The following UNC13B variants were observed in gnomAD, a reference collection of about 807,000 sequenced individuals.
UNC13B encodes protein unc-13 homolog B.
Under a neutral mutation model 211.0 loss-of-function variants are expected in UNC13B, and 144 were observed. The observed-to-expected ratio is 0.68, with a 90% CI of 0.60 to 0.78. UNC13B has a LOEUF of 0.78. Among genes scored for constraint, UNC13B ranks in the 30% least tolerant of loss-of-function variants. The pLI is 0.00. For synonymous variants in UNC13B, 709 were observed against 725.8 expected (o/e 0.98, Z 0.37); for missense variants, 1,777 against 2,002.0 (o/e 0.89, Z 2.14).
chr9:35,205,527 A>G (rs1248140461), intron 1 of UNC13B, among the ~76,000 whole-genome samples: 1 of 152,222 alleles, frequency 6.6e-6, no homozygotes, highest in Non-Finnish European at 1.5e-5. Flanking sequence ...GCCATTAGCA[A>G]TCATTTCCAT....
intron 14 of UNC13B, 98 bp downstream of exon 14, chr9:35,375,299 G>C (rs1235120840): frequency 5.3e-6 from 7 of 1,316,966 alleles, no homozygotes; most frequent in Non-Finnish European, 5.5e-6. Flanking sequence ...GGGAATTCAA[G>C]AGTGCTGGAC....
At chr9:35,194,668 A>G (rs554755652) in intron 1 of UNC13B, among the ~76,000 whole-genome samples, 2 of 152,314 alleles carry the variant, frequency 1.3e-5, no homozygotes, top group African/African-American at 4.8e-5. Flanking sequence ...AGTGGAGGCC[A>G]ACAGCCCCAA....
intron 1 of UNC13B, among the ~76,000 whole-genome samples, chr9:35,170,361 T>TTG: frequency 6.6e-6 from 1 of 152,146 alleles, no homozygotes; most frequent in African/African-American, 2.4e-5. Context: ...AGATGGGGTT[T>TTG]CACCATGTTG....
intron 5 of UNC13B, among the ~76,000 whole-genome samples, chr9:35,240,650 C>G (rs901666328): frequency 1.3e-5 from 2 of 151,824 alleles, no homozygotes; most frequent in Non-Finnish European, 2.9e-5. Context: ...GACTTTAAAT[C>G]GTTGTTTTTT....
chr9:35,285,672 G>C lies in UNC13B; in HGVS notation c.527-10024G>C, dbSNP rs905339752. Among the ~76,000 whole-genome samples, 3 of 152,300 alleles carry C rather than the reference G, an allele frequency of 2.0e-5. No individual in the cohort carries two copies. In the South Asian group the frequency reaches 6.2e-4, roughly 32 times the overall value. On this transcript the variant is annotated intron_variant, in intron 7 of 39. Coordinates refer to ENST00000635942, the MANE Select transcript of UNC13B (RefSeq NM_001371189.2). ...GAGCCATGATTGTCACTGCACTCCA[G>C]CATGGGTGACAGGGCAAGACCTGGT...
At chr9:35,291,003 G>A in intron 7 of UNC13B, 1 of 1,494,678 alleles carries the variant, frequency 6.7e-7, no homozygotes, top group Non-Finnish European at 9.1e-7. Context: ...ATGGGGAAAT[G>A]ACTTTTGAAT....
intron 1 of UNC13B, among the ~76,000 whole-genome samples, chr9:35,215,147 T>C (rs923459242): frequency 1.3e-5 from 2 of 152,230 alleles, no homozygotes; most frequent in African/African-American, 4.8e-5. Flanking sequence ...GGCTCATGCC[T>C]ATCATCCCAA....
chr9:35,334,281 G>A (rs1831532371), intron 11 of UNC13B, among the ~76,000 whole-genome samples: 1 of 152,124 alleles, frequency 6.6e-6, no homozygotes, highest in South Asian at 2.1e-4. Flanking sequence ...ATTCATTTTT[G>A]TACCTCCCCT....
intron 16 of UNC13B, 107 bp from the exon 17 acceptor site, chr9:35,378,188 G>T (rs950072091): frequency 3.5e-6 from 5 of 1,423,832 alleles, no homozygotes; most frequent in Non-Finnish European, 3.8e-6. Flanking sequence ...TGGGATTACG[G>T]TATCTGTGCA....
chr9:35,254,949 TATATA>T (rs1449336660), intron 6 of UNC13B, among the ~76,000 whole-genome samples: 1,538 of 119,130 alleles, frequency 0.013, 36 homozygotes, highest in African/African-American at 0.046. Context: ...TTAATATATG[TATATA>T]ATATAATATA....
chr9:35,331,317 C>T (rs545254230), intron 11 of UNC13B, among the ~76,000 whole-genome samples: 3 of 152,154 alleles, frequency 2.0e-5, no homozygotes, highest in Admixed American at 1.3e-4. Context: ...GGCGTGATCT[C>T]GGCTGACTGC....
chr9:35,190,703 A>G lies in UNC13B; in HGVS notation c.22+28398A>G, dbSNP rs74546427. ...ATAATTCAGTCGACTAAAAAGAAAA[A>G]AGACTTTTTCCAGAAAAACATGATC... On this transcript the variant is annotated intron_variant, in intron 1 of 39. Transcript: ENST00000635942. Among the ~76,000 whole-genome samples, 626 of 152,348 alleles carry G rather than the reference A, an allele frequency of 4.1e-3. 8 individuals are homozygous for G. The highest frequency in any genetic ancestry group is 3.9e-3 in the Non-Finnish European group (268 of 68,044).
Position 35,302,366 on chromosome 9 carries a change from A to G in UNC13B, c.2962A>G (p.Asn988Asp), listed in dbSNP as rs183127431. 2.5e-6 allele frequency: 1 copy of G among 398,658 alleles called. No homozygotes were observed. Among genetic ancestry groups the G allele is most frequent in the Admixed American group, 4.4e-5 (1 of 22,712 alleles). 24.7% of individuals were successfully genotyped at this position (398,658 alleles called of 1,614,324 possible). A position where few individuals can be genotyped will look rare whatever the true frequency, so the allele number is the denominator to read the frequency against. Residue 988 changes from asparagine to aspartate, a missense_variant, in exon 9 of 40, where the codon AAT becomes GAT. By Grantham distance (23) the Asn-to-Asp change is conservative. Coordinates refer to ENST00000635942, the MANE Select transcript of UNC13B (RefSeq NM_001371189.2). ...GAAGTTTGACAGTATAAAGGAATTT[A>G]ATAAGAATGACCAAGTAAATTGTCC... ...LEKFDSIKEF[N>D]KNDQVNCPED...
At chr9:35,265,143 TG>T (rs1332460778) in intron 7 of UNC13B, among the ~76,000 whole-genome samples, 18 of 152,250 alleles carry the variant, frequency 1.2e-4, no homozygotes, top group East Asian at 3.9e-4. Context: ...TATGGGGGGC[TG>T]GGGCAGAATT....
intron 11 of UNC13B, chr9:35,341,760 G>T: frequency 5.7e-6 from 1 of 175,814 alleles, no homozygotes. Context: ...GTGTGTGCGT[G>T]AGTGTGCTGG....
At chr9:35,177,079 A>G (rs753913520) in intron 1 of UNC13B, among the ~76,000 whole-genome samples, 1 of 152,146 alleles carries the variant, frequency 6.6e-6, no homozygotes, top group Non-Finnish European at 1.5e-5. Context: ...CATGAGCCAC[A>G]GCGCAGCCTG....
intron 7 of UNC13B, among the ~76,000 whole-genome samples, chr9:35,280,077 A>C (rs1309045152): frequency 6.6e-6 from 1 of 152,162 alleles, no homozygotes; most frequent in Non-Finnish European, 1.5e-5. Context: ...CTTTCTGCTT[A>C]CATGTTAATT....
chr9:35,378,442 TCA>T lies in UNC13B; in HGVS notation c.10205+9_10205+10del. ...TGGGAGGAGAAGTTCCATTTGTAAG[TCA>T]CAGAGAGCTTTGTCTTACCTGGGAC... On this transcript the variant is annotated splice_region_variant and intron_variant, in intron 17 of 39. Transcript: ENST00000635942. The T allele has an allele frequency of 3.1e-6, 5 of 1,614,148 alleles. No individual in the cohort carries two copies. Among genetic ancestry groups the T allele is most frequent in the Non-Finnish European group, 3.4e-6 (4 of 1,180,002 alleles).
chr9:35,339,928 AGTTT>A (rs901267327), intron 11 of UNC13B, among the ~76,000 whole-genome samples: 5 of 152,336 alleles, frequency 3.3e-5, no homozygotes, highest in Admixed American at 1.3e-4. Flanking sequence ...CACTCTTGAA[AGTTT>A]GAGCTTCTCC....
Sources: allele counts gnomAD v4.1 joint callset (sites outside exome capture counted in the v4.1 genomes callset), GRCh38; gene constraint gnomAD v4.1.1; transcripts MANE v1.5; gene names NCBI Gene and HGNC (gene_info 2026-07-23, HGNC 2026-07-21).